The following CLVS1 variants were observed in gnomAD, a reference collection of about 807,000 sequenced individuals.
CLVS1 encodes the protein clavesin-1.
A neutral mutation model predicts 33.1 loss-of-function variants in CLVS1; 10 were observed. The ratio of observed to expected loss-of-function variants is 0.30; its 90% CI spans 0.19 to 0.51. CLVS1 has a LOEUF of 0.51. Among genes scored for constraint, CLVS1 ranks in the 20% least tolerant of loss-of-function variants. The probability of loss-of-function intolerance (pLI) is 0.97; values close to 1 mark genes in which losing one functional copy is unlikely to be tolerated. For synonymous variants in CLVS1, 163 were observed against 166.1 expected, an observed-to-expected ratio of 0.98 and a Z score of 0.14; for missense variants, 343 against 433.4, an observed-to-expected ratio of 0.79 and a Z score of 1.85.
the CLVS1 span, among the ~76,000 whole-genome samples, chr8:61,032,679 A>G: frequency 2.6e-5 from 4 of 152,268 alleles, no homozygotes; most frequent in Middle Eastern, 3.4e-3. Context: ...TAAACATCCA[A>G]CACATGAGAT....
chr8:61,039,553 T>C, the CLVS1 span, among the ~76,000 whole-genome samples: 3 of 152,194 alleles, frequency 2.0e-5, no homozygotes, highest in East Asian at 1.9e-4. Context: ...TTGAACTTTT[T>C]TTTTTCAGAG....
chr8:61,161,284 T>C (rs1806745469), intron 2 of CLVS1, among the ~76,000 whole-genome samples: 1 of 152,154 alleles, frequency 6.6e-6, no homozygotes, highest in Non-Finnish European at 1.5e-5. Context: ...AAACTAGAAA[T>C]TACCATATAA....
chr8:61,058,503 A>C, intron 1 of CLVS1, among the ~76,000 whole-genome samples: 1 of 152,224 alleles, frequency 6.6e-6, no homozygotes, highest in African/African-American at 2.4e-5. Context: ...TGTTCTCCCC[A>C]TTATCCATAA....
the CLVS1 span, among the ~76,000 whole-genome samples, chr8:61,003,981 T>A: frequency 1.3e-5 from 2 of 152,062 alleles, no homozygotes; most frequent in Admixed American, 1.3e-4. Context: ...TGAGCCTCAT[T>A]TGAGGGGGTG....
chr8:61,336,013 T>C lies in CLVS1; in HGVS notation c.455+35731T>C, dbSNP rs186773538. On this transcript the variant is annotated intron_variant, in intron 2 of 5. Transcript: ENST00000325897. ...GTCAGGGAATAGAGGAATGGCTGCC[T>C]GAGGGTAAAGGCACAGACTCTCAGC... 3.9e-5 allele frequency among the ~76,000 whole-genome samples: 6 copies of C among 152,252 alleles called. No individual in the cohort carries two copies. The East Asian group carries it at 1.2e-3, about 29-fold the overall frequency.
At chr8:61,042,988 G>A in the CLVS1 span, among the ~76,000 whole-genome samples, 280 of 152,316 alleles carry the variant, frequency 1.8e-3, 3 homozygotes, top group Middle Eastern at 3.4e-3. Flanking sequence ...AATAGGTTAT[G>A]TCCAGCTTGT....
chr8:61,230,501 A>T (rs1380398059), intron 2 of CLVS1, among the ~76,000 whole-genome samples: 1 of 152,272 alleles, frequency 6.6e-6, no homozygotes, highest in Non-Finnish European at 1.5e-5. Context: ...AAAAATGGCA[A>T]TAAGTATTGT....
At chr8:61,357,543 T>A (rs1812786581) in intron 2 of CLVS1, among the ~76,000 whole-genome samples, 1 of 144,646 alleles carries the variant, frequency 6.9e-6, no homozygotes, top group Non-Finnish European at 1.5e-5. Flanking sequence ...TTTGCTCTTG[T>A]TGCCCAAGCT....
intron 1 of CLVS1, among the ~76,000 whole-genome samples, chr8:61,087,806 T>C (rs1805153747): frequency 6.6e-6 from 1 of 152,178 alleles, no homozygotes; most frequent in East Asian, 1.9e-4. Flanking sequence ...TTATCTTGAA[T>C]GCTGGGTACA....
chr8:61,097,019 G>C (rs1805363445), intron 1 of CLVS1, among the ~76,000 whole-genome samples: 1 of 152,066 alleles, frequency 6.6e-6, no homozygotes, highest in South Asian at 2.1e-4. Context: ...AACTTGAGTA[G>C]CAAAAAGAGC....
intron 2 of CLVS1, among the ~76,000 whole-genome samples, chr8:61,224,438 C>T (rs1450922015): frequency 3.9e-5 from 6 of 152,170 alleles, no homozygotes; most frequent in Admixed American, 3.3e-4. Context: ...TTCTGTAGGG[C>T]TGCTGCAGTT....
chr8:61,260,501 T>C (rs1355398094), intron 2 of CLVS1, among the ~76,000 whole-genome samples: 1 of 152,178 alleles, frequency 6.6e-6, no homozygotes, highest in African/African-American at 2.4e-5. Flanking sequence ...AAGAAGTACA[T>C]TTACCCCTCT....
intron 3 of CLVS1, among the ~76,000 whole-genome samples, chr8:61,438,280 T>C (rs1056428684): frequency 2.0e-5 from 3 of 152,204 alleles, no homozygotes; most frequent in African/African-American, 7.2e-5. Flanking sequence ...CATGTGGTGT[T>C]TGGTTTCCTG....
chr8:61,475,707 G>T (rs1307753051), intron 5 of CLVS1, among the ~76,000 whole-genome samples: 2 of 152,192 alleles, frequency 1.3e-5, no homozygotes, highest in Non-Finnish European at 1.5e-5. Flanking sequence ...CCCTTTGTCA[G>T]ATGAGTAGGT....
chr8:61,500,605 C>A lies in CLVS1; in HGVS notation c.*1063C>A, dbSNP rs564281291. 4 of 151,388 alleles carry A rather than the reference C, an allele frequency of 2.6e-5. No individual in the cohort carries two copies. The highest frequency in any genetic ancestry group is 9.8e-5 in the African/African-American group (4 of 40,940). The allele number at this position is 151,388 out of a possible 1,614,324, so 9.4% of individuals were successfully genotyped here. A position where few individuals can be genotyped will look rare whatever the true frequency, so the allele number is the denominator to read the frequency against. On this transcript the variant is annotated 3_prime_UTR_variant, in exon 6 of 6. Transcript: ENST00000325897. ...TACCTAGTCTCCTTAGAAATGGAGT[C>A]CCCAACTACTCATTCAAAAGAAATC...
intron 2 of CLVS1, among the ~76,000 whole-genome samples, chr8:61,236,344 G>A (rs1808558665): frequency 6.6e-6 from 1 of 152,170 alleles, no homozygotes; most frequent in Non-Finnish European, 1.5e-5. Flanking sequence ...AATTAAAGAT[G>A]AACGTGTTCA....
chr8:61,489,662 A>G (rs1182356164), intron 5 of CLVS1, among the ~76,000 whole-genome samples: 2 of 152,240 alleles, frequency 1.3e-5, no homozygotes, highest in Non-Finnish European at 1.5e-5. Flanking sequence ...GTTGATGATG[A>G]TGATGAAGAA....
chr8:61,035,518 C>T, the CLVS1 span, among the ~76,000 whole-genome samples: 4 of 152,100 alleles, frequency 2.6e-5, no homozygotes, highest in African/African-American at 7.2e-5. Context: ...CGGCCCCGGG[C>T]GTCTGACGTG....
At chr8:61,294,743 A>G (rs1033691438) in intron 1 of CLVS1, among the ~76,000 whole-genome samples, 2 of 151,956 alleles carry the variant, frequency 1.3e-5, no homozygotes, top group African/African-American at 4.8e-5. Flanking sequence ...GATATATTGT[A>G]TGTGTTTCTG....
Sources: allele counts gnomAD v4.1 joint callset (sites outside exome capture counted in the v4.1 genomes callset), GRCh38; gene constraint gnomAD v4.1.1; transcripts MANE v1.5; gene names NCBI Gene and HGNC (gene_info 2026-07-23, HGNC 2026-07-21).